Variants in SPINK4 observed in about 807,000 individuals in gnomAD.
The protein encoded by SPINK4 is serine peptidase inhibitor Kazal type 4, also known as serine protease inhibitor Kazal-type 4.
In SPINK4, 10 loss-of-function variants were observed where a neutral mutation model predicts 12.3. That is an observed-to-expected ratio of 0.81 (90% CI 0.50 to 1.37). The LOEUF (loss-of-function observed/expected upper bound fraction) is 1.37. Among genes scored for constraint, SPINK4 ranks in the 40% most tolerant of loss-of-function variants. The pLI, the probability that SPINK4 is intolerant of heterozygous loss-of-function variation, is 0.00. For missense variants in SPINK4, 91 were observed against 109.0 expected, an observed-to-expected ratio of 0.84 and a Z score of 0.73; for synonymous variants, 37 against 40.2, an observed-to-expected ratio of 0.92 and a Z score of 0.30.
chr9:33,243,607 T>G (rs553411643), intron 1 of SPINK4, among the ~76,000 whole-genome samples: 1 of 152,340 alleles, frequency 6.6e-6, no homozygotes, highest in South Asian at 2.1e-4. Flanking sequence ...CGTTATTGCA[T>G]GTATCAGTTG....
intron 1 of SPINK4, 71 bp from the exon 2 acceptor site, chr9:33,245,041 A>C: frequency 6.7e-7 from 1 of 1,488,528 alleles, no homozygotes; most frequent in Non-Finnish European, 9.1e-7. Flanking sequence ...CTGAAGCAGA[A>C]GCAGTCCTCA....
intron 1 of SPINK4, among the ~76,000 whole-genome samples, chr9:33,243,386 T>A (rs552401228): frequency 2.0e-5 from 3 of 152,216 alleles, no homozygotes; most frequent in South Asian, 4.1e-4. Context: ...ATTGTTAAAT[T>A]TTTTGTAGAG....
intron 3 of SPINK4, among the ~76,000 whole-genome samples, chr9:33,247,634 G>C (rs1587781587): frequency 6.6e-6 from 1 of 152,176 alleles, no homozygotes; most frequent in East Asian, 1.9e-4. Context: ...TGGAGTATAA[G>C]GTTTAAGGGA....
At chr9:33,242,408 G>A (rs998817957) in intron 1 of SPINK4, among the ~76,000 whole-genome samples, 3 of 151,684 alleles carry the variant, frequency 2.0e-5, no homozygotes, top group East Asian at 1.9e-4. Flanking sequence ...ATGATTCGGC[G>A]GGAGGAGAAC....
intron 1 of SPINK4, among the ~76,000 whole-genome samples, chr9:33,244,441 G>C (rs1030699506): frequency 6.6e-6 from 1 of 152,156 alleles, no homozygotes; most frequent in African/African-American, 2.4e-5. Context: ...ATCCATGAAG[G>C]ATGAGGGAAG....
At chr9:33,241,726 TG>T (rs1157616860) in intron 1 of SPINK4, among the ~76,000 whole-genome samples, 1 of 152,154 alleles carries the variant, frequency 6.6e-6, no homozygotes, top group Non-Finnish European at 1.5e-5. Context: ...GACTACTGCC[TG>T]GGCTGAGTGA....
At position 33,248,502 on chromosome 9, in the gene SPINK4, T is replaced by G. The variant is rs749246591; in HGVS notation, c.*31T>G. 19 of 1,613,140 alleles carry G rather than the reference T, an allele frequency of 1.2e-5. No individual in the cohort carries two copies. The highest frequency in any genetic ancestry group is 1.6e-5 in the Non-Finnish European group (19 of 1,179,682). ...CAGGAGCACCTCAAGCCATGAAGTG[T>G]CAGCTGGAGAACAGTGGTGGGCATG... is the stretch of plus-strand genomic sequence containing the variant. On this transcript the variant is annotated 3_prime_UTR_variant, in exon 4 of 4. Coordinates refer to ENST00000379721, the MANE Select transcript of SPINK4 (RefSeq NM_014471.3).
At position 33,246,684 on chromosome 9, in the gene SPINK4, T is replaced by A. The variant is rs1174442112; in HGVS notation, c.171T>A (p.Asp57Glu). Residue 57 changes from aspartate (D) to glutamate (E), a missense_variant, in exon 3 of 4, where the codon GAT (aspartate) becomes GAA (glutamate). Physicochemically the swap from Asp to Glu is conservative, Grantham distance 45. Transcript: ENST00000379721. ...TGTCCAACCTGGTCTGCGGCACTGA[T>A]GGGCTCACATATACGAATGAATGCC... ...SQMSNLVCGTDGLTYTNECQL... is the reference protein window; with the variant it reads ...SQMSNLVCGTEGLTYTNECQL... The A allele has an allele frequency of 1.9e-6, 3 of 1,614,100 alleles. No homozygotes were observed. The South Asian group carries it at 3.3e-5, about 18-fold the overall frequency.
At chr9:33,243,471 A>T (rs941369482) in intron 1 of SPINK4, among the ~76,000 whole-genome samples, 3 of 152,168 alleles carry the variant, frequency 2.0e-5, no homozygotes, top group Non-Finnish European at 4.4e-5. Flanking sequence ...CAGCTTCCCA[A>T]TGTGATTTTT....
At chr9:33,246,526 C>T (rs528958861) in intron 2 of SPINK4, 90 bp from the exon 3 acceptor site, 3 of 1,118,162 alleles carry the variant, frequency 2.7e-6, no homozygotes, top group African/African-American at 3.1e-5. Context: ...TGATACCTCA[C>T]TGGGGCCCCA....
At chr9:33,245,553 C>G (rs758210819) in intron 2 of SPINK4, among the ~76,000 whole-genome samples, 5 of 152,210 alleles carry the variant, frequency 3.3e-5, no homozygotes, top group Non-Finnish European at 7.3e-5. Context: ...CAGCCTCCCA[C>G]CACCACATTC....
Position 33,248,533 on chromosome 9 carries a change from G to C in SPINK4, c.*62G>C. ...GGAGAACAGTGGTGGGCATGGAGAG[G>C]ATATGACATGAAATAAAAGATCCAG... On this transcript the variant is annotated 3_prime_UTR_variant, in exon 4 of 4. Transcript: ENST00000379721. The C allele has an allele frequency of 1.3e-6, 2 of 1,589,768 alleles. No homozygotes were observed. Among genetic ancestry groups the C allele is most frequent in the Non-Finnish European group, 8.6e-7 (1 of 1,161,312 alleles).
At chr9:33,246,934 A>C (rs1380892167) in intron 3 of SPINK4, among the ~76,000 whole-genome samples, 1 of 152,032 alleles carries the variant, frequency 6.6e-6, no homozygotes, top group African/African-American at 2.4e-5. Flanking sequence ...CTGGTGGTGG[A>C]TAGGGAGTAG....
At chr9:33,243,112 C>T (rs1017704789) in intron 1 of SPINK4, among the ~76,000 whole-genome samples, 1 of 151,946 alleles carries the variant, frequency 6.6e-6, no homozygotes, top group South Asian at 2.1e-4. Flanking sequence ...TTTGCTCTGT[C>T]ACCCAGGTTG....
At chr9:33,241,136 C>T (rs919911927) in intron 1 of SPINK4, among the ~76,000 whole-genome samples, 1 of 151,610 alleles carries the variant, frequency 6.6e-6, no homozygotes, top group African/African-American at 2.4e-5. Context: ...AGATTCCAGG[C>T]AGAGGGAACA....
At chr9:33,241,845 T>A (rs888167433) in intron 1 of SPINK4, among the ~76,000 whole-genome samples, 2 of 151,630 alleles carry the variant, frequency 1.3e-5, no homozygotes, top group African/African-American at 4.8e-5. Context: ...GAACACCCCC[T>A]CCTCCCAATA....
At chr9:33,242,500 G>A (rs1034843052) in intron 1 of SPINK4, among the ~76,000 whole-genome samples, 43 of 152,274 alleles carry the variant, frequency 2.8e-4, no homozygotes, top group African/African-American at 9.9e-4. Context: ...GAGAGGAATA[G>A]CTGGGGCATG....
intron 3 of SPINK4, among the ~76,000 whole-genome samples, chr9:33,247,369 T>C (rs1302894989): frequency 6.6e-6 from 1 of 150,874 alleles, no homozygotes; most frequent in Non-Finnish European, 1.5e-5. Flanking sequence ...GGTTTCACCA[T>C]GTTGGCCAGG....
At chr9:33,240,322 G>T (rs1038641398) in intron 1 of SPINK4, 53 bp downstream of exon 1, 1 of 1,531,312 alleles carries the variant, frequency 6.5e-7, no homozygotes, top group Admixed American at 2.1e-5. Context: ...AGGTGAGCTT[G>T]GGGTGAGAGC....
Sources: allele counts gnomAD v4.1 joint callset (sites outside exome capture counted in the v4.1 genomes callset), GRCh38; gene constraint gnomAD v4.1.1; transcripts MANE v1.5; gene names NCBI Gene and HGNC (gene_info 2026-07-23, HGNC 2026-07-21).